The following RPS6KA2 variants were observed in gnomAD, a reference collection of about 807,000 sequenced individuals.
RPS6KA2 encodes ribosomal protein S6 kinase alpha-2.
A neutral mutation model predicts 91.8 loss-of-function variants in RPS6KA2; 42 were observed. The observed-to-expected ratio is 0.46, with a 90% CI of 0.36 to 0.59. The LOEUF is 0.59. Among genes scored for constraint, RPS6KA2 ranks in the 20% least tolerant of loss-of-function variants. RPS6KA2 has a pLI of 0.00. For synonymous variants in RPS6KA2, 414 were observed against 393.6 expected, an observed-to-expected ratio of 1.05 and a Z score of -0.61; for missense variants, 798 against 978.5, an observed-to-expected ratio of 0.82 and a Z score of 2.46.
chr6:166,476,272 C>G (rs1230268107), intron 10 of RPS6KA2, among the ~76,000 whole-genome samples: 1 of 152,170 alleles, frequency 6.6e-6, no homozygotes, highest in Non-Finnish European at 1.5e-5. Context: ...GGGAGCACAG[C>G]CCTGCAGCCT....
At chr6:166,725,466 C>G (rs958366248) in intron 2 of RPS6KA2, among the ~76,000 whole-genome samples, 1 of 152,250 alleles carries the variant, frequency 6.6e-6, no homozygotes, top group Non-Finnish European at 1.5e-5. Context: ...CCCCTTCAGC[C>G]TCCTAGCCCA....
At chr6:166,658,423 C>A (rs1788061827) in intron 2 of RPS6KA2, among the ~76,000 whole-genome samples, 1 of 152,256 alleles carries the variant, frequency 6.6e-6, no homozygotes, top group Non-Finnish European at 1.5e-5. Context: ...TGTCACTCAG[C>A]TGTCAGCTGC....
chr6:166,515,819 G>T (rs576965400), intron 3 of RPS6KA2, among the ~76,000 whole-genome samples: 1 of 152,334 alleles, frequency 6.6e-6, no homozygotes, highest in East Asian at 1.9e-4. Flanking sequence ...TCTATTCAAA[G>T]TCACCCCTCT....
chr6:166,837,668 G>A (rs901615065), intron 2 of RPS6KA2, among the ~76,000 whole-genome samples: 3 of 152,176 alleles, frequency 2.0e-5, no homozygotes, highest in Non-Finnish European at 2.9e-5. Context: ...CTCTGTGGGG[G>A]TGGCTGTGTC....
At chr6:166,705,726 G>A (rs1789663843) in intron 2 of RPS6KA2, among the ~76,000 whole-genome samples, 1 of 152,190 alleles carries the variant, frequency 6.6e-6, no homozygotes, top group Non-Finnish European at 1.5e-5. Context: ...CAACAGAATA[G>A]AGACTATTAA....
chr6:166,840,845 C>T (rs1043663885), intron 2 of RPS6KA2, among the ~76,000 whole-genome samples: 1 of 152,022 alleles, frequency 6.6e-6, no homozygotes, highest in Admixed American at 6.6e-5. Context: ...TGCCTGTAGT[C>T]CCAGCTACTC....
intron 2 of RPS6KA2, among the ~76,000 whole-genome samples, chr6:166,754,417 C>A (rs59182593): frequency 0.01 from 1,595 of 152,300 alleles, 21 homozygotes; most frequent in African/African-American, 0.036. Flanking sequence ...TTTCACGTGG[C>A]TTCCAGGGAA....
rs200029321 is a variant in RPS6KA2 at position 166,784,368 on chromosome 6, G to A, written c.123+73832C>T. On this transcript the variant is annotated intron_variant, in intron 2 of 21. Coordinates refer to the RPS6KA2 transcript ENST00000503859. ...GTGCACACCTATCTATACCACATAT[G>A]CACACGTGCACACCTATGCATAACC... 2.5e-3 allele frequency among the ~76,000 whole-genome samples: 35 copies of A among 14,116 alleles called. 10 individuals carry two copies. The highest frequency in any genetic ancestry group is 7.3e-3 in the African/African-American group (30 of 4,136). 9.3% of individuals were successfully genotyped at this position (14,116 alleles called of 152,430 possible).
chr6:166,827,307 G>T (rs1322498360), intron 2 of RPS6KA2, among the ~76,000 whole-genome samples: 1 of 141,898 alleles, frequency 7.0e-6, no homozygotes, highest in Non-Finnish European at 1.5e-5. Context: ...AAGGACACCT[G>T]CCCCGAAACT....
rs1377585614 is a variant in RPS6KA2 at position 166,626,275 on chromosome 6, A to G, written c.99+646T>C. ...AAGATGCGGGACAGGTAGAAAGGAC[A>G]GGGCTTTGGGAGTACTCTGGGTTTT... On this transcript the variant is annotated intron_variant, in intron 1 of 20. Transcript: ENST00000265678. The surrounding 1 kb of genome is among the most constrained non-coding windows in gnomAD (Gnocchi z 4.1). 6.6e-6 allele frequency among the ~76,000 whole-genome samples: 1 copy of G among 152,260 alleles called. No homozygotes were observed. Among genetic ancestry groups the G allele is most frequent in the African/African-American group, 2.4e-5 (1 of 41,468 alleles).
intron 1 of RPS6KA2, among the ~76,000 whole-genome samples, chr6:166,600,103 G>A (rs914413203): frequency 6.6e-6 from 1 of 152,074 alleles, no homozygotes; most frequent in African/African-American, 2.4e-5. Context: ...GAACTCTTGG[G>A]CCCAAACAAT....
In RPS6KA2 at chr6:166,701,499, C is replaced by T. The variant is rs1465367324; in HGVS notation, c.123+156701G>A. ...TCCTCACCTTAGCATCTGGTGCTTC[C>T]ACTGGAGCAATCTTACTTGAAGCTC... On this transcript the variant is annotated intron_variant, in intron 2 of 21. Transcript: ENST00000503859. The T allele has an allele frequency of 2.5e-5, 33 of 1,302,396 alleles. No homozygotes were observed. The Admixed American group carries it at 4.4e-4, about 17-fold the overall frequency. The allele number at this position is 1,302,396 out of a possible 1,614,324, so 80.7% of individuals were successfully genotyped here. A position where few individuals can be genotyped will look rare whatever the true frequency, so the allele number is the denominator to read the frequency against.
At chr6:166,645,639 C>A in intron 2 of RPS6KA2, among the ~76,000 whole-genome samples, 1 of 152,334 alleles carries the variant, frequency 6.6e-6, no homozygotes, top group South Asian at 2.1e-4. Context: ...GCCCCCCCTT[C>A]TCTGGATCTA....
At position 166,612,557 on chromosome 6, in the gene RPS6KA2, G is replaced by C. The variant is rs1583326135; in HGVS notation, c.99+14364C>G. 2.0e-5 allele frequency among the ~76,000 whole-genome samples: 3 copies of C among 152,166 alleles called. No individual in the cohort carries two copies. The highest frequency in any genetic ancestry group is 7.2e-5 in the African/African-American group (3 of 41,436). On this transcript the variant is annotated intron_variant, in intron 1 of 20. Transcript: ENST00000265678. The surrounding 1 kb of genome is among the most constrained non-coding windows in gnomAD (Gnocchi z 4.3). ...GAGGAAAGGAGAAATGATGAGCTCTGAGCTGGGGCCTTGCTGCCCGACTGC... is the reference window on the plus strand; with the variant it reads ...GAGGAAAGGAGAAATGATGAGCTCTCAGCTGGGGCCTTGCTGCCCGACTGC...
chr6:166,696,970 C>A (rs1789376999), intron 2 of RPS6KA2, among the ~76,000 whole-genome samples: 1 of 152,122 alleles, frequency 6.6e-6, no homozygotes, highest in African/African-American at 2.4e-5. Flanking sequence ...GGGACTTCAG[C>A]CTGCCAACTG....
chr6:166,560,809 T>A (rs890527211), intron 1 of RPS6KA2, among the ~76,000 whole-genome samples: 13 of 152,158 alleles, frequency 8.5e-5, no homozygotes. Context: ...ACTCTTGCTT[T>A]TTCTTTTATT....
chr6:166,469,984 G>A (rs1332817715), intron 10 of RPS6KA2, 79 bp from the exon 11 acceptor site: 1 of 1,302,936 alleles, frequency 7.7e-7, no homozygotes, highest in African/African-American at 1.5e-5. Context: ...GCAGTGTGGA[G>A]GGTGGGGATG....
rs374514370 is a variant in RPS6KA2 at position 166,517,624 on chromosome 6, C to T, written c.299-7267G>A. Reference sequence around the variant, plus strand: ...CCGAGTAGCTGGGACTACAGGCGCCCGCCACCGCGCCCGGCTAATTTTTTG... The same window carrying T: ...CCGAGTAGCTGGGACTACAGGCGCCTGCCACCGCGCCCGGCTAATTTTTTG... On this transcript the variant is annotated intron_variant, in intron 3 of 20. Transcript: ENST00000265678. Among the ~76,000 whole-genome samples, 16 of 151,326 alleles carry T rather than the reference C, an allele frequency of 1.1e-4. No homozygotes were observed. The South Asian group carries it at 1.3e-3, about 12-fold the overall frequency.
intron 2 of RPS6KA2, among the ~76,000 whole-genome samples, chr6:166,710,812 C>T (rs1374563737): frequency 6.6e-6 from 1 of 152,136 alleles, no homozygotes; most frequent in Non-Finnish European, 1.5e-5. Flanking sequence ...TTTTCCTTTG[C>T]CTCATGTGTA....
Sources: gnomAD v4.1 joint callset for allele counts (sites outside exome capture counted in the v4.1 genomes callset) on GRCh38, gnomAD v4.1.1 for gene constraint, Gnocchi (gnomAD v3.1) non-coding constraint, MANE v1.5 for transcripts, NCBI Gene and HGNC (gene_info 2026-07-23, HGNC 2026-07-21) for gene names.